The following MTX3 variants were observed in gnomAD, a reference collection of about 807,000 sequenced individuals.
MTX3 encodes metaxin-3.
In MTX3, 27 loss-of-function variants were observed where a neutral mutation model predicts 42.5. The ratio of observed to expected loss-of-function variants is 0.64; its 90% CI spans 0.47 to 0.88. MTX3 has a LOEUF of 0.88. Among genes scored for constraint, MTX3 ranks in the 40% least tolerant of loss-of-function variants. MTX3 has a pLI of 0.00. For missense variants in MTX3, 378 were observed against 367.0 expected (o/e 1.03, Z -0.25); for synonymous variants, 144 against 132.9 (o/e 1.08, Z -0.57).
Position 79,988,320 on chromosome 5 carries a change from T to A in MTX3, c.505-5A>T. The A allele has an allele frequency of 3.9e-6, 6 of 1,540,032 alleles. No homozygotes were observed. In the Admixed American group the frequency reaches 1.2e-4, roughly 30 times the overall value. On this transcript the variant is annotated splice_polypyrimidine_tract_variant and splice_region_variant and intron_variant, in intron 5 of 8. Transcript: ENST00000512528. ...CTCCTTGGCATCTCTGTATATCTAA[T>A]AAGGATGAAATTATATCTCAAAAGT...
At chr5:79,986,789 G>A in intron 7 of MTX3, 161 bp downstream of exon 7, 1 of 624,462 alleles carries the variant, frequency 1.6e-6, no homozygotes, top group Non-Finnish European at 2.8e-6. Context: ...ACTAACATGA[G>A]AATAAAAATG....
At chr5:79,986,589 T>C (rs1032927495) in intron 7 of MTX3, 3 of 367,316 alleles carry the variant, frequency 8.2e-6, no homozygotes, top group Non-Finnish European at 1.6e-5. Flanking sequence ...GTAAAAATCA[T>C]TTAAAGTAAT....
chr5:79,979,784 G>GA lies in MTX3; in HGVS notation c.*3899_*3900insT, dbSNP rs1831331885. Reference sequence around the variant, plus strand: ...GGTTTTTTTTTTCTTTTCTGGTAAGGCAAAATAGATCTTTAGATATCATTT... The same window carrying GA: ...GGTTTTTTTTTTCTTTTCTGGTAAGGACAAAATAGATCTTTAGATATCATTT... On this transcript the variant is annotated 3_prime_UTR_variant, in exon 9 of 9. Transcript: ENST00000512528. The GA allele has an allele frequency of 6.6e-6, 1 of 151,354 alleles. No homozygotes were observed. Among genetic ancestry groups the GA allele is most frequent in the Non-Finnish European group, 1.5e-5 (1 of 67,856 alleles). The allele number at this position is 151,354 out of a possible 1,614,324, so 9.4% of individuals were successfully genotyped here.
rs867319801 is a variant in MTX3 at position 79,988,297 on chromosome 5, C to A, written c.523G>T (p.Glu175Ter). The A allele has an allele frequency of 6.4e-7, 1 of 1,555,734 alleles. No individual in the cohort carries two copies. ...VEAQIYRDAK[E>*]CLNLLSNRLG... ...CTGTTTGATAGAAGATTTAGGCACT[C>A]CTTGGCATCTCTGTATATCTAATAA... The change falls in exon 6 of 9, where the codon GAG (glutamate) becomes TAG (stop). Residue 175 changes from glutamate (E) to a stop codon, truncating the protein, a stop_gained. Transcript: ENST00000512528. LOFTEE classifies it high-confidence loss of function.
In MTX3 at chr5:79,977,331, C is replaced by T. The variant is rs1219836650; in HGVS notation, c.*6353G>A. On this transcript the variant is annotated 3_prime_UTR_variant, in exon 9 of 9. Transcript: ENST00000512528. ...TCTATGGTTCATGACTTACTGAGGG[C>T]TGATGCAAACTCTGGCAAGTTATTT... 6.6e-6 allele frequency: 1 copy of T among 152,162 alleles called. No homozygotes were observed. The highest frequency in any genetic ancestry group is 1.5e-5 in the Non-Finnish European group (1 of 68,022). 9.4% of individuals were successfully genotyped at this position (152,162 alleles called of 1,614,324 possible).
At position 79,980,863 on chromosome 5, in the gene MTX3, G is replaced by C. The variant is rs1831356762; in HGVS notation, c.*2821C>G. On this transcript the variant is annotated 3_prime_UTR_variant, in exon 9 of 9. Transcript: ENST00000512528. ...AGTCTGAAAAAATGTTCTGTGCTCT[G>C]TTCAGATTGACAAAATGTTCTTTTT... 2.6e-5 allele frequency: 4 copies of C among 152,182 alleles called. No individual in the cohort carries two copies. The South Asian group carries it at 8.3e-4, about 32-fold the overall frequency. 9.4% of individuals were successfully genotyped at this position (152,182 alleles called of 1,614,324 possible).
chr5:79,990,708 T>C (rs1012403079), intron 1 of MTX3, 45 bp from the exon 2 acceptor site: 3 of 1,403,600 alleles, frequency 2.1e-6, no homozygotes, highest in South Asian at 1.2e-5. Context: ...AAGTGCGTAA[T>C]GCAAAGCTGC....
In MTX3 at chr5:79,986,992, A is replaced by G. The variant is rs1377923810; in HGVS notation, c.697T>C (p.Cys233Arg). Residue 233 changes from cysteine to arginine, a missense_variant, in exon 7 of 9, where the codon TGT becomes CGT. Transcript: ENST00000512528. ...AAATAACTGCTCAGGATGTCATCAC[A>G]AAAGCGACAGAGGTTGGAGAGCTGT... ...LKQLSNLCRF[C>R]DDILSSYFRL... The G allele has an allele frequency of 1.2e-6, 2 of 1,613,880 alleles. No individual in the cohort carries two copies. Among genetic ancestry groups the G allele is most frequent in the Non-Finnish European group, 1.7e-6 (2 of 1,179,878 alleles).
Position 79,977,880 on chromosome 5 carries a change from G to A in MTX3, c.*5804C>T, listed in dbSNP as rs1256412319. ...TGTCATAAACACCCATTGCCTTTTT[G>A]GCACTTTTAAAGTACAGCCAGAAAA... On this transcript the variant is annotated 3_prime_UTR_variant, in exon 9 of 9. Coordinates refer to ENST00000512528, the MANE Select transcript of MTX3 (RefSeq NM_001363818.2). 1 of 152,104 alleles carries A rather than the reference G, an allele frequency of 6.6e-6. No individual in the cohort carries two copies. The highest frequency in any genetic ancestry group is 1.9e-4 in the East Asian group (1 of 5,190). 9.4% of individuals were successfully genotyped at this position (152,104 alleles called of 1,614,324 possible).
rs1831410796 is a variant in MTX3, at chr5:79,983,180, C to T, written c.*504G>A. On this transcript the variant is annotated 3_prime_UTR_variant, in exon 9 of 9. Transcript: ENST00000512528. ...CACTTTTTAAAGTTAAATATGGTCT[C>T]TTCTACTGAAGCAATTTATCTTTTT... 6.4e-6 allele frequency: 1 copy of T among 156,066 alleles called. No individual in the cohort carries two copies. Among genetic ancestry groups the T allele is most frequent in the African/African-American group, 2.4e-5 (1 of 41,446 alleles). The allele number at this position is 156,066 out of a possible 1,614,324, so 9.7% of individuals were successfully genotyped here. A position where few individuals can be genotyped will look rare whatever the true frequency, so the allele number is the denominator to read the frequency against.
Position 79,985,648 on chromosome 5 carries a change from C to T in MTX3, c.751G>A (p.Ala251Thr), listed in dbSNP as rs372714838. ...FRLSLGGISP[A>T]GQETVDANLQ... The stretch of plus-strand genomic sequence containing the variant: ...TTTGCATCTACCGTTTCTTGTCCAG[C>T]TGGAGAGATGCCTAAGAAGCCAGGA... Residue 251 changes from alanine to threonine, a missense_variant, in exon 8 of 9, where the codon GCT becomes ACT. Coordinates refer to ENST00000512528, the MANE Select transcript of MTX3 (RefSeq NM_001363818.2). The T allele has an allele frequency of 6.2e-7, 1 of 1,611,488 alleles. No individual in the cohort carries two copies. The highest frequency in any genetic ancestry group is 1.3e-5 in the African/African-American group (1 of 74,940).
chr5:79,990,297 A>G (rs1831608645), intron 2 of MTX3, 61 bp from the exon 3 acceptor site: 3 of 1,163,374 alleles, frequency 2.6e-6, no homozygotes, highest in Admixed American at 2.5e-5. Flanking sequence ...AGAGATTCCA[A>G]TATCCTAAAA....
chr5:79,983,467 A>T lies in MTX3; in HGVS notation c.*217T>A. 2.3e-6 allele frequency: 1 copy of T among 441,840 alleles called. No individual in the cohort carries two copies. The highest frequency in any genetic ancestry group is 4.0e-6 in the Non-Finnish European group (1 of 247,076). 27.4% of individuals were successfully genotyped at this position (441,840 alleles called of 1,614,324 possible). ...GTTTTTCTTCCCCGCCCCCCCAACC[A>T]AGTTCATTTAGCATTCTCTTTGTTA... On this transcript the variant is annotated 3_prime_UTR_variant, in exon 9 of 9. Transcript: ENST00000512528.
Position 79,977,195 on chromosome 5 carries a change from T to C in MTX3, c.*6489A>G, listed in dbSNP as rs946993818. ...CAAGTCAGAAGAGAAGTAAAACTCATTTTTATGCATTTAACTTAAAAGCTT... is the reference window on the plus strand; with the variant it reads ...CAAGTCAGAAGAGAAGTAAAACTCACTTTTATGCATTTAACTTAAAAGCTT... On this transcript the variant is annotated 3_prime_UTR_variant, in exon 9 of 9. Transcript: ENST00000512528. 4 of 152,208 alleles carry C rather than the reference T, an allele frequency of 2.6e-5. No individual in the cohort carries two copies. The highest frequency in any genetic ancestry group is 9.6e-5 in the African/African-American group (4 of 41,462). The allele number at this position is 152,208 out of a possible 1,614,324, so 9.4% of individuals were successfully genotyped here.
In MTX3 at chr5:79,979,249, T is replaced by C. The variant is rs956873230; in HGVS notation, c.*4435A>G. On this transcript the variant is annotated 3_prime_UTR_variant, in exon 9 of 9. Coordinates refer to ENST00000512528, the MANE Select transcript of MTX3 (RefSeq NM_001363818.2). ...CCTTATATCTCTGCAAAAATTAGCA[T>C]TTTGAACATCCAACGAAACTTCAAG... The C allele has an allele frequency of 6.6e-6, 1 of 152,210 alleles. No homozygotes were observed. Among genetic ancestry groups the C allele is most frequent in the African/African-American group, 2.4e-5 (1 of 41,450 alleles). 9.4% of individuals were successfully genotyped at this position (152,210 alleles called of 1,614,324 possible).
rs959689690 is a variant in MTX3 at position 79,977,132 on chromosome 5, T to A, written c.*6552A>T. 2.0e-5 allele frequency: 3 copies of A among 152,080 alleles called. No individual in the cohort carries two copies. Among genetic ancestry groups the A allele is most frequent in the Non-Finnish European group, 2.9e-5 (2 of 68,020 alleles). 9.4% of individuals were successfully genotyped at this position (152,080 alleles called of 1,614,324 possible). Reference sequence around the variant, plus strand: ...TCCCACTTCAAAATGAACAGAAAAATGGAAAAACATTATTTCCCATTTCAT... The same window carrying A: ...TCCCACTTCAAAATGAACAGAAAAAAGGAAAAACATTATTTCCCATTTCAT... On this transcript the variant is annotated 3_prime_UTR_variant, in exon 9 of 9. Coordinates refer to ENST00000512528, the MANE Select transcript of MTX3 (RefSeq NM_001363818.2).
chr5:79,982,351 A>T lies in MTX3; in HGVS notation c.*1333T>A. The T allele has an allele frequency of 4.4e-6, 2 of 455,938 alleles. No individual in the cohort carries two copies. The allele number at this position is 455,938 out of a possible 1,614,324, so 28.2% of individuals were successfully genotyped here. On this transcript the variant is annotated 3_prime_UTR_variant, in exon 9 of 9. Transcript: ENST00000512528. ...GGTCAAACACAGCTGAGCTCCACTC[A>T]GCTCAAATTAGATGAGTCTTTTGAC... is the stretch of plus-strand genomic sequence containing the variant.
At chr5:79,986,011 T>C (rs1831482159) in intron 7 of MTX3, among the ~76,000 whole-genome samples, 2 of 149,630 alleles carry the variant, frequency 1.3e-5, no homozygotes, top group African/African-American at 2.5e-5. Flanking sequence ...CCATTTCAAA[T>C]AGGTCTTTGG....
rs750206758 is a variant in MTX3 at position 79,990,637 on chromosome 5, G to A, written c.108C>T (p.Pro36=). 1 of 1,613,338 alleles carries A rather than the reference G, an allele frequency of 6.2e-7. No homozygotes were observed. The highest frequency in any genetic ancestry group is 8.5e-7 in the Non-Finnish European group (1 of 1,179,606). Residue 36 remains proline (P), a synonymous_variant, in exon 2 of 9, where the codon CCC becomes CCT. Coordinates refer to ENST00000512528, the MANE Select transcript of MTX3 (RefSeq NM_001363818.2). ...TGTTATCTATCACATTGACTTTCAA[G>A]GGTGCACCAGAAAATTTGGCATAAG... is the stretch of plus-strand genomic sequence containing the variant. ...VMAYAKFSGA[P]LKVNVIDNTW... is the part of the protein sequence containing the mutation.
Sources: allele counts gnomAD v4.1 joint callset (sites outside exome capture counted in the v4.1 genomes callset), GRCh38; gene constraint gnomAD v4.1.1; transcripts MANE v1.5; gene names NCBI Gene and HGNC (gene_info 2026-07-23, HGNC 2026-07-21).